The following NXPE2 variants were observed in gnomAD, a reference collection of about 807,000 sequenced individuals.
NXPE2 encodes the protein NXPE family member 2.
A neutral mutation model predicts 34.4 loss-of-function variants in NXPE2; 34 were observed. The ratio of observed to expected loss-of-function variants is 0.99; its 90% CI spans 0.75 to 1.31. The LOEUF (loss-of-function observed/expected upper bound fraction) is 1.31, where lower values mean the gene tolerates loss of function less well. Ranked by LOEUF, NXPE2 falls within the 40% of genes most tolerant of loss-of-function variation. The pLI, the probability that NXPE2 is intolerant of heterozygous loss-of-function variation, is 0.00. For synonymous variants in NXPE2, 235 were observed against 231.3 expected (o/e 1.02, Z -0.15); for missense variants, 649 against 672.5 (o/e 0.97, Z 0.39).
rs762491373 is a variant in NXPE2 at position 114,706,595 on chromosome 11, AC to A, written c.1348del (p.Leu450SerfsTer36). The A allele has an allele frequency of 5.2e-6, 8 of 1,551,864 alleles. No individual in the cohort carries two copies. The highest frequency in any genetic ancestry group is 7.0e-6 in the Non-Finnish European group (8 of 1,146,986). ...AGACAAAAACACAGCCATTGTCATTACCCTCGGCCAACACTTCAGACCCTTT... is the reference window on the plus strand; with the variant it reads ...AGACAAAAACACAGCCATTGTCATTACCTCGGCCAACACTTCAGACCCTTT... Reference protein sequence around the residue: ...AGDKNTAIVITLGQHFRPFPI... With the variant: ...AGDKNTAIVIXLGQHFRPFPI... On this transcript the variant is annotated frameshift_variant, in exon 6 of 6. Coordinates refer to ENST00000389586, the MANE Select transcript of NXPE2 (RefSeq NM_182495.6). LOFTEE classifies it low-confidence loss of function (END_TRUNC).
At chr11:114,609,625 C>T in the NXPE2 span, among the ~76,000 whole-genome samples, 1 of 151,138 alleles carries the variant, frequency 6.6e-6, no homozygotes, top group African/African-American at 2.4e-5. Context: ...CATGCTTACC[C>T]GATGGATAAT....
At chr11:114,782,314 C>T in the NXPE2 span, among the ~76,000 whole-genome samples, 1 of 152,172 alleles carries the variant, frequency 6.6e-6, no homozygotes, top group African/African-American at 2.4e-5. Context: ...TGTGCTCTTT[C>T]TGTCTTGGCA....
At chr11:114,700,048 C>G (rs536001765) in intron 3 of NXPE2, among the ~76,000 whole-genome samples, 150 of 152,264 alleles carry the variant, frequency 9.9e-4, no homozygotes, top group Admixed American at 8.2e-3. Flanking sequence ...CCCACTTCAG[C>G]CTCCCAAAAT....
At chr11:114,604,933 C>T in the NXPE2 span, among the ~76,000 whole-genome samples, 1 of 152,072 alleles carries the variant, frequency 6.6e-6, no homozygotes, top group African/African-American at 2.4e-5. Context: ...CTAGGGTACC[C>T]ACTGTTACCT....
At chr11:114,535,048 A>G in the NXPE2 span, among the ~76,000 whole-genome samples, 3 of 152,340 alleles carry the variant, frequency 2.0e-5, no homozygotes, top group Non-Finnish European at 4.4e-5. Context: ...CGGGTTACCC[A>G]CAAAGGGAAG....
At chr11:114,743,135 A>G in the NXPE2 span, among the ~76,000 whole-genome samples, 1 of 152,220 alleles carries the variant, frequency 6.6e-6, no homozygotes, top group Non-Finnish European at 1.5e-5. Context: ...ATTTTCTACT[A>G]TTTAACCAAA....
chr11:114,669,454 A>C, the NXPE2 span, among the ~76,000 whole-genome samples: 1 of 151,992 alleles, frequency 6.6e-6, no homozygotes, highest in Non-Finnish European at 1.5e-5. Flanking sequence ...ATCCCTTTTC[A>C]TTCCTTCCAG....
the NXPE2 span, among the ~76,000 whole-genome samples, chr11:114,802,851 C>T: frequency 0.56 from 85,049 of 151,634 alleles, 24,670 homozygotes; most frequent in Non-Finnish European, 0.65. Flanking sequence ...GATTGATGTA[C>T]TCAACAATTA....
the NXPE2 span, chr11:114,522,367 A>G: frequency 1.2e-5 from 19 of 1,614,004 alleles, no homozygotes; most frequent in Non-Finnish European, 1.6e-5. Context: ...TATAATCATG[A>G]TCTATCAGAG....
chr11:114,639,272 A>G, the NXPE2 span, among the ~76,000 whole-genome samples: 2 of 152,216 alleles, frequency 1.3e-5, no homozygotes, highest in Middle Eastern at 3.4e-3. Context: ...CCTCCGAGCC[A>G]GGTGCAGGAT....
At chr11:114,726,552 G>A in the NXPE2 span, among the ~76,000 whole-genome samples, 1 of 151,994 alleles carries the variant, frequency 6.6e-6, no homozygotes. Context: ...CACCTTTATT[G>A]TTGTATGTCA....
the NXPE2 span, among the ~76,000 whole-genome samples, chr11:114,621,379 A>G: frequency 1.3e-5 from 2 of 152,094 alleles, no homozygotes; most frequent in African/African-American, 4.8e-5. Flanking sequence ...GCTGCATAAT[A>G]TCTGTTATCT....
chr11:114,566,233 C>A, the NXPE2 span, among the ~76,000 whole-genome samples: 1 of 151,510 alleles, frequency 6.6e-6, no homozygotes, highest in Non-Finnish European at 1.5e-5. Flanking sequence ...GTATTTAAGC[C>A]AGGGAGTGGG....
At chr11:114,626,143 G>A in the NXPE2 span, among the ~76,000 whole-genome samples, 1 of 152,174 alleles carries the variant, frequency 6.6e-6, no homozygotes, top group African/African-American at 2.4e-5. Context: ...AAACAAAGCA[G>A]CCGGGAAGCT....
At chr11:114,778,726 C>T in the NXPE2 span, among the ~76,000 whole-genome samples, 1 of 152,144 alleles carries the variant, frequency 6.6e-6, no homozygotes, top group Non-Finnish European at 1.5e-5. Flanking sequence ...GCATGTCCAT[C>T]AAAGGCACTT....
At chr11:114,657,395 TA>T in the NXPE2 span, among the ~76,000 whole-genome samples, 1 of 152,236 alleles carries the variant, frequency 6.6e-6, no homozygotes, top group Non-Finnish European at 1.5e-5. Flanking sequence ...GCATTTTCTC[TA>T]ATTTGAATGT....
the NXPE2 span, among the ~76,000 whole-genome samples, chr11:114,468,967 A>G: frequency 6.6e-6 from 1 of 152,166 alleles, no homozygotes; most frequent in Admixed American, 6.5e-5. Context: ...GAAATGATTT[A>G]CAGACAGGGT....
At chr11:114,716,505 A>G in the NXPE2 span, among the ~76,000 whole-genome samples, 13 of 152,284 alleles carry the variant, frequency 8.5e-5, no homozygotes, top group East Asian at 2.3e-3. Context: ...TCTGGATCTC[A>G]GAGATATTTA....
the NXPE2 span, among the ~76,000 whole-genome samples, chr11:114,668,560 G>C: frequency 1.3e-5 from 2 of 152,150 alleles, no homozygotes; most frequent in Middle Eastern, 3.4e-3. Context: ...GAAGAACTCA[G>C]TTAGAGTTCT....
Sources: gnomAD v4.1 joint callset for allele counts (sites outside exome capture counted in the v4.1 genomes callset) on GRCh38, gnomAD v4.1.1 for gene constraint, MANE v1.5 for transcripts, NCBI Gene and HGNC (gene_info 2026-07-23, HGNC 2026-07-21) for gene names.